INPP4B: variants seen among roughly 807,000 people sequenced by gnomAD.
The protein encoded by INPP4B is inositol polyphosphate 4-phosphatase type II.
In INPP4B, 55 loss-of-function variants were observed where a neutral mutation model predicts 122.5. The ratio of observed to expected loss-of-function variants is 0.45; its 90% CI spans 0.36 to 0.56. The LOEUF is 0.56. Ranked by LOEUF, INPP4B falls within the 20% of genes least tolerant of loss-of-function variation. The pLI, the probability that INPP4B is intolerant of heterozygous loss-of-function variation, is 0.00. For synonymous variants in INPP4B, 403 were observed against 388.7 expected (o/e 1.04, Z -0.43); for missense variants, 1,000 against 1,097.7 (o/e 0.91, Z 1.26).
At chr4:142,484,557 G>A (rs1014914029) in intron 2 of INPP4B, among the ~76,000 whole-genome samples, 12 of 152,056 alleles carry the variant, frequency 7.9e-5, no homozygotes, top group African/African-American at 2.9e-4. Flanking sequence ...TTAAACAATA[G>A]CTGATATGTA....
intron 2 of INPP4B, among the ~76,000 whole-genome samples, chr4:142,490,530 T>C (rs866263829): frequency 2.6e-5 from 4 of 152,292 alleles, no homozygotes; most frequent in Non-Finnish European, 5.9e-5. Flanking sequence ...AATTAACCTA[T>C]CCATTACCTC....
chr4:142,403,541 A>AT (rs566540499), intron 6 of INPP4B, among the ~76,000 whole-genome samples: 24 of 150,334 alleles, frequency 1.6e-4, no homozygotes, highest in South Asian at 4.2e-4. Context: ...TTCAGCTATG[A>AT]TTTTTTTTTT....
chr4:142,617,427 C>T (rs140232539), intron 2 of INPP4B, among the ~76,000 whole-genome samples: 305 of 152,222 alleles, frequency 2.0e-3, no homozygotes, highest in African/African-American at 6.9e-3. Flanking sequence ...TGCTCAAGGG[C>T]AGCAACCATT....
At chr4:142,581,676 C>G (rs1338072040) in intron 2 of INPP4B, among the ~76,000 whole-genome samples, 1 of 151,492 alleles carries the variant, frequency 6.6e-6, no homozygotes, top group African/African-American at 2.4e-5. Flanking sequence ...AAGTTCTATT[C>G]TTTCTATTAT....
At chr4:142,832,254 T>G (rs746962763) in intron 1 of INPP4B, among the ~76,000 whole-genome samples, 3 of 152,172 alleles carry the variant, frequency 2.0e-5, no homozygotes, top group Non-Finnish European at 4.4e-5. Flanking sequence ...AAAGCTCTCA[T>G]GAAAAGCAAC....
chr4:142,121,168 C>T (rs1249832123), intron 21 of INPP4B, among the ~76,000 whole-genome samples: 1 of 151,920 alleles, frequency 6.6e-6, no homozygotes, highest in Non-Finnish European at 1.5e-5. Context: ...CTTTTTCTCC[C>T]AAATGAATGG....
chr4:142,509,080 A>C (rs1824382116), intron 2 of INPP4B, among the ~76,000 whole-genome samples: 1 of 152,198 alleles, frequency 6.6e-6, no homozygotes, highest in Non-Finnish European at 1.5e-5. Flanking sequence ...ACCATTGAGA[A>C]ACATGAGTGG....
At chr4:142,637,593 C>T (rs940385921) in intron 2 of INPP4B, among the ~76,000 whole-genome samples, 20 of 152,190 alleles carry the variant, frequency 1.3e-4, no homozygotes, top group African/African-American at 3.9e-4. Flanking sequence ...TTTACCTACT[C>T]ACTTACTGAA....
intron 25 of INPP4B, chr4:142,030,356 A>C: frequency 2.1e-6 from 3 of 1,456,808 alleles, no homozygotes; most frequent in Non-Finnish European, 2.8e-6. Context: ...GAGTTCACAC[A>C]GTAAAAAAAA....
At chr4:142,838,030 G>A (rs889411062) in intron 1 of INPP4B, among the ~76,000 whole-genome samples, 5 of 144,888 alleles carry the variant, frequency 3.5e-5, no homozygotes, top group Non-Finnish European at 5.9e-5. Flanking sequence ...ATGGGAAAGT[G>A]GTGTTTTTTT....
At chr4:142,776,319 C>A (rs1330752139) in intron 1 of INPP4B, among the ~76,000 whole-genome samples, 1 of 152,170 alleles carries the variant, frequency 6.6e-6, no homozygotes, top group East Asian at 1.9e-4. Context: ...TTATAATTAC[C>A]AAGGATCTCA....
intron 1 of INPP4B, among the ~76,000 whole-genome samples, chr4:142,840,463 A>T (rs373686816): frequency 3.9e-5 from 6 of 152,102 alleles, no homozygotes; most frequent in Non-Finnish European, 7.4e-5. Flanking sequence ...GAATTTTAGC[A>T]TATTTAATTT....
At chr4:142,358,172 T>C (rs987902184) in intron 7 of INPP4B, among the ~76,000 whole-genome samples, 1 of 151,916 alleles carries the variant, frequency 6.6e-6, no homozygotes, top group Non-Finnish European at 1.5e-5. Flanking sequence ...TTTATACTAA[T>C]ATGAAAAAAA....
chr4:142,744,078 T>A (rs991461024), intron 1 of INPP4B, among the ~76,000 whole-genome samples: 2 of 151,898 alleles, frequency 1.3e-5, no homozygotes, highest in African/African-American at 4.8e-5. Flanking sequence ...AAGGAAAATA[T>A]AGTCTTAATG....
chr4:142,247,877 TTCTC>T (rs1032146735), intron 11 of INPP4B, among the ~76,000 whole-genome samples: 4 of 152,198 alleles, frequency 2.6e-5, no homozygotes, highest in African/African-American at 9.7e-5. Flanking sequence ...TTGAAAATCT[TTCTC>T]AAAGAAAGAA....
intron 3 of INPP4B, among the ~76,000 whole-genome samples, chr4:142,451,246 GT>G (rs758479962): frequency 0.038 from 3,755 of 97,746 alleles, 21 homozygotes; most frequent in African/African-American, 0.11. Flanking sequence ...TGTTGCTGTT[GT>G]TTTTTTTTTT....
chr4:142,386,836 T>C (rs1796116249), intron 7 of INPP4B, among the ~76,000 whole-genome samples: 1 of 152,128 alleles, frequency 6.6e-6, no homozygotes, highest in Non-Finnish European at 1.5e-5. Flanking sequence ...TTTTAATAGA[T>C]TGTGTCAGAA....
chr4:142,180,467 A>T (rs1830276381), intron 15 of INPP4B, among the ~76,000 whole-genome samples: 1 of 152,178 alleles, frequency 6.6e-6, no homozygotes, highest in Non-Finnish European at 1.5e-5. Context: ...TATCACTTTA[A>T]TAGATAATAA....
intron 7 of INPP4B, among the ~76,000 whole-genome samples, chr4:142,333,359 C>T (rs1315811998): frequency 1.3e-5 from 2 of 152,166 alleles, no homozygotes; most frequent in African/African-American, 4.8e-5. Flanking sequence ...TCCCTAAGTA[C>T]ATTAAAGTCA....
Sources: gnomAD v4.1 joint callset for allele counts (sites outside exome capture counted in the v4.1 genomes callset) on GRCh38, gnomAD v4.1.1 for gene constraint, MANE v1.5 for transcripts, NCBI Gene and HGNC (gene_info 2026-07-23, HGNC 2026-07-21) for gene names.